The following GPR173 variants were observed in gnomAD, a reference collection of about 807,000 sequenced individuals.
The protein encoded by GPR173 is G protein-coupled receptor 173, also known as probable G protein-coupled receptor 173.
GPR173 carries 2 observed loss-of-function variants against 13.9 expected under a neutral mutation model. The ratio of observed to expected loss-of-function variants is 0.14; its 90% confidence interval spans 0.06 to 0.45. The LOEUF (loss-of-function observed/expected upper bound fraction) is 0.45. Among genes scored for constraint, GPR173 ranks in the 20% least tolerant of loss-of-function variants. The pLI is 0.98. For synonymous variants in GPR173, 131 were observed against 141.0 expected (o/e 0.93, Z 0.50); for missense variants, 202 against 340.5 (o/e 0.59, Z 3.20).
chrX:53,074,156 A>ATAAATATAT (rs1556805325), intron 1 of GPR173, among the ~76,000 whole-genome samples: 2 of 99,286 alleles, frequency 2.0e-5, no homozygotes, highest in Non-Finnish European at 3.9e-5. Flanking sequence ...TTATTCATAT[A>ATAAATATAT]GAAATATATA....
At chrX:53,062,560 C>A (rs868931178) in intron 1 of GPR173, among the ~76,000 whole-genome samples, 4 of 89,864 alleles carry the variant, frequency 4.5e-5, no homozygotes, top group African/African-American at 4.3e-5. Flanking sequence ...AAAAAAAAAA[C>A]ATTGTCTTCT....
chrX:53,072,102 C>G (rs981430235), intron 1 of GPR173, among the ~76,000 whole-genome samples: 2 of 101,235 alleles, frequency 2.0e-5, no homozygotes, highest in Non-Finnish European at 4.0e-5. Context: ...ATGTCCCGAG[C>G]TTTCCCAGGG....
chrX:53,057,974 T>C (rs190616431), intron 1 of GPR173, among the ~76,000 whole-genome samples: 6 of 112,248 alleles, frequency 5.3e-5, no homozygotes. Context: ...TGCCCTGTTA[T>C]CTGTATCTAT....
intron 1 of GPR173, among the ~76,000 whole-genome samples, chrX:53,052,826 G>T (rs1556802883): frequency 2.9e-5 from 3 of 104,998 alleles, no homozygotes; most frequent in African/African-American, 1.1e-4. Flanking sequence ...CAGCCTACAA[G>T]TGTGTTTAAG....
At chrX:53,073,438 G>GCAA (rs1932294408) in intron 1 of GPR173, among the ~76,000 whole-genome samples, 1 of 110,117 alleles carries the variant, frequency 9.1e-6, no homozygotes, top group African/African-American at 3.3e-5. Context: ...TGGGACCTGT[G>GCAA]CTGTTACCTG....
At chrX:53,054,393 A>C (rs1350126483) in intron 1 of GPR173, among the ~76,000 whole-genome samples, 1 of 109,826 alleles carries the variant, frequency 9.1e-6, no homozygotes, top group Non-Finnish European at 1.9e-5. Context: ...AGTCCCAGCT[A>C]CTTGGGAGGC....
Position 53,077,647 on chromosome X carries a change from G to A in GPR173, c.1026G>A (p.Leu342=). Residue 342 remains leucine, a synonymous_variant, in exon 2 of 2, where the codon CTG becomes CTA. Coordinates refer to ENST00000332582, the MANE Select transcript of GPR173 (RefSeq NM_018969.6). ...QAAVNPIVCF[L]LNKDLKKCLR... Reference sequence around the variant, plus strand: ...CCGTCAACCCAATTGTCTGCTTCCTGCTCAACAAGGACCTCAAGAAGTGCC... The same window carrying A: ...CCGTCAACCCAATTGTCTGCTTCCTACTCAACAAGGACCTCAAGAAGTGCC... 8.3e-7 allele frequency: 1 copy of A among 1,209,855 alleles called. No homozygotes were observed. The highest frequency in any genetic ancestry group is 3.0e-5 in the East Asian group (1 of 33,847).
rs1484937916 is a variant in GPR173 at position 53,078,936 on chromosome X, A to G, written c.*1193A>G. The stretch of plus-strand genomic sequence containing the variant: ...GTAGCCCTTGGCTGACTGGGCCCTG[A>G]GCCCCAAGCATCCTTCTTTCCCAAC... On this transcript the variant is annotated 3_prime_UTR_variant, in exon 2 of 2. Coordinates refer to ENST00000332582, the MANE Select transcript of GPR173 (RefSeq NM_018969.6). 8.2e-6 allele frequency: 1 copy of G among 122,346 alleles called. No homozygotes were observed. Among genetic ancestry groups the G allele is most frequent in the African/African-American group, 3.3e-5 (1 of 30,493 alleles). The allele number at this position is 122,346 out of a possible 1,213,427, so 10.1% of individuals were successfully genotyped here.
chrX:53,057,214 C>T (rs925291266), intron 1 of GPR173, among the ~76,000 whole-genome samples: 3 of 109,896 alleles, frequency 2.7e-5, no homozygotes, highest in Non-Finnish European at 5.7e-5. Context: ...GTCAGGAGTT[C>T]GAGACCAGCC....
At chrX:53,060,253 G>A (rs911162238) in intron 1 of GPR173, among the ~76,000 whole-genome samples, 2 of 108,263 alleles carry the variant, frequency 1.8e-5, no homozygotes, top group Non-Finnish European at 3.8e-5. Flanking sequence ...GGGTTCAAGC[G>A]ATTCTCGTGC....
Position 53,076,552 on chromosome X carries a change from GC to G in GPR173, c.-63del, listed in dbSNP as rs1201271025. On this transcript the variant is annotated 5_prime_UTR_variant, in exon 2 of 2. An upstream open reading frame in the 5' UTR gains an earlier in-frame stop. Coordinates refer to ENST00000332582, the MANE Select transcript of GPR173 (RefSeq NM_018969.6). Reference sequence around the variant, plus strand: ...GCAATGTAGCAGGACAACTCATGGAGCCCCCCCGGGCCCATCGAGTACCGGA... The same window carrying G: ...GCAATGTAGCAGGACAACTCATGGAGCCCCCCGGGCCCATCGAGTACCGGA... 5 of 885,485 alleles carry G rather than the reference GC, an allele frequency of 5.6e-6. No homozygotes were observed. The highest frequency in any genetic ancestry group is 3.2e-5 in the East Asian group (1 of 31,609). The allele number at this position is 885,485 out of a possible 1,213,427, so 73.0% of individuals were successfully genotyped here.
chrX:53,073,441 G>A (rs1427286115), intron 1 of GPR173, among the ~76,000 whole-genome samples: 2 of 110,255 alleles, frequency 1.8e-5, no homozygotes, highest in Non-Finnish European at 3.8e-5. Flanking sequence ...GACCTGTGCT[G>A]TTACCTGGTC....
At chrX:53,051,917 G>T (rs1261001355) in intron 1 of GPR173, among the ~76,000 whole-genome samples, 4 of 111,043 alleles carry the variant, frequency 3.6e-5, no homozygotes, top group African/African-American at 9.8e-5. Flanking sequence ...ATGCATGTAT[G>T]AGAGGGTGTA....
chrX:53,055,666 A>T (rs1238481594), intron 1 of GPR173, among the ~76,000 whole-genome samples: 1 of 108,785 alleles, frequency 9.2e-6, no homozygotes, highest in African/African-American at 3.4e-5. Context: ...GCGTGTGCAG[A>T]GGTGCACTGG....
In GPR173 at chrX:53,073,222, A is replaced by T. The variant is rs1215046152; in HGVS notation, c.-97-3303A>T. Among the ~76,000 whole-genome samples the T allele has an allele frequency of 2.1e-4, 19 of 90,512 alleles. No homozygotes were observed. The Admixed American group carries it at 2.2e-3, about 11-fold the overall frequency. The allele number at this position is 90,512 out of a possible 115,157, so 78.6% of individuals were successfully genotyped here. ...CCTGGGCAACAGAGGGAGACTGTCT[A>T]AAAAAAAAAAAAAAAGGCCGGGCAC... On this transcript the variant is annotated intron_variant, in intron 1 of 1. Transcript: ENST00000332582.
chrX:53,056,889 G>C (rs948118471), intron 1 of GPR173, among the ~76,000 whole-genome samples: 7 of 111,542 alleles, frequency 6.3e-5, no homozygotes, highest in Admixed American at 9.6e-5. Flanking sequence ...GCACATACTT[G>C]TGCTAAAGTG....
At chrX:53,070,400 C>A (rs1238118182) in intron 1 of GPR173, among the ~76,000 whole-genome samples, 1 of 111,610 alleles carries the variant, frequency 9.0e-6, no homozygotes, top group African/African-American at 3.3e-5. Context: ...CCTCTCATAT[C>A]CAGTGCCCTC....
intron 1 of GPR173, among the ~76,000 whole-genome samples, chrX:53,073,652 T>G (rs1342254767): frequency 9.6e-6 from 1 of 104,546 alleles, no homozygotes; most frequent in Non-Finnish European, 1.9e-5. Flanking sequence ...TACCATGATG[T>G]GCTATGTAGT....
chrX:53,060,260 G>A (rs1402429860), intron 1 of GPR173, among the ~76,000 whole-genome samples: 7 of 108,169 alleles, frequency 6.5e-5, no homozygotes, highest in Non-Finnish European at 1.1e-4. Context: ...AGCGATTCTC[G>A]TGCCTCAACC....
Sources: allele counts gnomAD v4.1 joint callset (sites outside exome capture counted in the v4.1 genomes callset), GRCh38; gene constraint gnomAD v4.1.1; transcripts MANE v1.5; gene names NCBI Gene and HGNC (gene_info 2026-07-23, HGNC 2026-07-21).